The following CES5A variants were observed in gnomAD, a reference collection of about 807,000 sequenced individuals.
CES5A encodes the protein carboxylesterase 5.
CES5A carries 67 observed loss-of-function variants against 62.9 expected under a neutral mutation model. The ratio of observed to expected loss-of-function variants is 1.07; its 90% confidence interval spans 0.88 to 1.31. The LOEUF is 1.31. Ranked by LOEUF, CES5A falls within the 50% of genes most tolerant of loss-of-function variation. The pLI is 0.00. For synonymous variants in CES5A, 296 were observed against 280.8 expected (o/e 1.05, Z -0.54); for missense variants, 748 against 708.5 (o/e 1.06, Z -0.63).
At chr16:55,855,557 G>A (rs1388613550) in intron 9 of CES5A, among the ~76,000 whole-genome samples, 2 of 152,200 alleles carry the variant, frequency 1.3e-5, no homozygotes, top group Admixed American at 1.3e-4. Flanking sequence ...TCAGACTGTA[G>A]GTAGATAATG....
intron 4 of CES5A, among the ~76,000 whole-genome samples, chr16:55,866,693 C>T (rs1355482734): frequency 8.2e-6 from 1 of 121,924 alleles, no homozygotes; most frequent in African/African-American, 2.7e-5. Context: ...AAAAAATTAG[C>T]TGGACACGGT....
intron 1 of CES5A, among the ~76,000 whole-genome samples, chr16:55,894,233 G>T (rs1255995691): frequency 6.6e-6 from 1 of 152,098 alleles, no homozygotes; most frequent in East Asian, 1.9e-4. Context: ...AATAGGCTGG[G>T]CGTGGTGGCT....
At chr16:55,951,706 G>C (rs2034559334) in intron 1 of CES5A, among the ~76,000 whole-genome samples, 1 of 152,108 alleles carries the variant, frequency 6.6e-6, no homozygotes, top group African/African-American at 2.4e-5. Context: ...TAGGGGGATG[G>C]AGTATCCATG....
At chr16:55,928,291 A>G (rs1289115610), upstream of CES5A, among the ~76,000 whole-genome samples, 2 of 152,108 alleles carry the variant, frequency 1.3e-5, no homozygotes, top group South Asian at 4.1e-4. Context: ...ACTGAAGGCC[A>G]TTATCCTATG....
intron 1 of CES5A, among the ~76,000 whole-genome samples, chr16:55,915,992 T>C (rs2034144783): frequency 6.6e-6 from 1 of 152,186 alleles, no homozygotes; most frequent in Non-Finnish European, 1.5e-5. Flanking sequence ...AACAGTTTAA[T>C]AGACACAAGA....
chr16:55,846,972 C>A, intron 11 of CES5A, 132 bp from the exon 12 acceptor site: 1 of 772,800 alleles, frequency 1.3e-6, no homozygotes, highest in South Asian at 1.6e-5. Flanking sequence ...GTCACTGTAC[C>A]CATTTTATAC....
rs191557172 is a variant in CES5A at position 55,955,802 on chromosome 16, G to C, written c.42+42C>G. 5,111 of 1,531,626 alleles carry C rather than the reference G, an allele frequency of 3.3e-3. 9 individuals carry two copies. Among genetic ancestry groups the C allele is most frequent in the Non-Finnish European group, 4.2e-3 (4,756 of 1,143,270 alleles). The allele number at this position is 1,531,626 out of a possible 1,614,324, so 94.9% of individuals were successfully genotyped here. A position where few individuals can be genotyped will look rare whatever the true frequency, so the allele number is the denominator to read the frequency against. On this transcript the variant is annotated intron_variant, in intron 1 of 13. Transcript: ENST00000521992. ...CATCTTTCTCATTCCAGTGGGTTTGGGGGTGGGGTCCAGGCAGTAGCACCC... is the reference window on the plus strand; with the variant it reads ...CATCTTTCTCATTCCAGTGGGTTTGCGGGTGGGGTCCAGGCAGTAGCACCC...
intron 1 of CES5A, among the ~76,000 whole-genome samples, chr16:55,888,882 C>A (rs2033844381): frequency 6.6e-6 from 1 of 152,206 alleles, no homozygotes; most frequent in African/African-American, 2.4e-5. Flanking sequence ...GCCTTTCCCA[C>A]CAAGGTATGA....
rs1174435445 is a variant in CES5A at position 55,949,828 on chromosome 16, A to T, written c.117T>A (p.Tyr39Ter). 1.3e-6 allele frequency: 2 copies of T among 1,522,834 alleles called. No individual in the cohort carries two copies. The highest frequency in any genetic ancestry group is 4.0e-5 in the Admixed American group (2 of 49,840). 94.3% of individuals were successfully genotyped at this position (1,522,834 alleles called of 1,614,324 possible). Residue 39 changes from tyrosine (Y) to a stop codon, truncating the protein, a stop_gained, in exon 2 of 14, where the codon TAT becomes TAA. Coordinates refer to the CES5A transcript ENST00000521992. LOFTEE classifies it high-confidence loss of function. ...AGTTTAAGACATCAATCCTCAATAC[A>T]TACAAAGTTGAGGAGGCTGGATAAA...
intron 2 of CES5A, chr16:55,944,308 T>C (rs2034472485): frequency 1.7e-6 from 1 of 581,750 alleles, no homozygotes; most frequent in South Asian, 2.2e-5. Flanking sequence ...GTTGAGAAGA[T>C]CTAATGAAGT....
Position 55,875,180 on chromosome 16 carries a change from C to A in CES5A, c.42G>T (p.Trp14Cys). Reference sequence around the variant, plus strand: ...TGGGGGCTGCAAGGACCCAGATAGCCCAAATTAGGATCTGGCCTGGGTGCA... The same window carrying A: ...TGGGGGCTGCAAGGACCCAGATAGCACAAATTAGGATCTGGCCTGGGTGCA... ...NWVHPGQILI[W>C]AIWVLAAPTK... The change falls in exon 1 of 13, where the codon TGG (tryptophan) becomes TGT (cysteine). Residue 14 changes from tryptophan to cysteine, a missense_variant. Physicochemically the swap from Trp to Cys is radical, Grantham distance 215 (BLOSUM62 -2). Transcript: ENST00000290567. 1 of 1,614,072 alleles carries A rather than the reference C, an allele frequency of 6.2e-7. No homozygotes were observed. The highest frequency in any genetic ancestry group is 8.5e-7 in the Non-Finnish European group (1 of 1,179,980).
rs376306836 is a variant in CES5A at position 55,875,257 on chromosome 16, C to T, written c.-36G>A. On this transcript the variant is annotated 5_prime_UTR_variant, in exon 1 of 13. Transcript: ENST00000290567. Reference sequence around the variant, plus strand: ...GCCTGCACTCTGTGAACATTGACGGCGGCTGCTGGCCTCAGAGAGCTTCAG... The same window carrying T: ...GCCTGCACTCTGTGAACATTGACGGTGGCTGCTGGCCTCAGAGAGCTTCAG... The T allele has an allele frequency of 2.4e-5, 39 of 1,603,372 alleles. No individual in the cohort carries two copies. Among genetic ancestry groups the T allele is most frequent in the Admixed American group, 8.6e-5 (5 of 57,850 alleles).
chr16:55,847,320 C>T (rs1303434822), intron 11 of CES5A, among the ~76,000 whole-genome samples: 1 of 151,098 alleles, frequency 6.6e-6, no homozygotes, highest in East Asian at 1.9e-4. Flanking sequence ...TCTCCCTTCT[C>T]TCTTTCTTCC....
intron 1 of CES5A, among the ~76,000 whole-genome samples, chr16:55,881,183 G>A (rs1262320248): frequency 6.6e-6 from 1 of 152,184 alleles, no homozygotes; most frequent in Non-Finnish European, 1.5e-5. Flanking sequence ...GACTTGACCT[G>A]TGATAGATGC....
chr16:55,872,910 G>A (rs569475360), intron 2 of CES5A, among the ~76,000 whole-genome samples: 13 of 152,232 alleles, frequency 8.5e-5, no homozygotes, highest in East Asian at 3.9e-4. Flanking sequence ...CCCCTGCGGC[G>A]TCCCCAAGCT....
chr16:55,856,897 T>G (rs1379974548), intron 8 of CES5A, among the ~76,000 whole-genome samples: 2 of 152,244 alleles, frequency 1.3e-5, no homozygotes, highest in Admixed American at 1.3e-4. Flanking sequence ...CAAAGCGGTA[T>G]CAGCACCTTG....
At chr16:55,849,557 G>A (rs2033084706) in intron 11 of CES5A, 67 bp downstream of exon 11, 2 of 1,558,802 alleles carry the variant, frequency 1.3e-6, no homozygotes, top group African/African-American at 1.4e-5. Flanking sequence ...AGTCCTCCAG[G>A]CGCTTGCATC....
At chr16:55,922,855 T>C (rs760555570) in intron 1 of CES5A, among the ~76,000 whole-genome samples, 1 of 151,848 alleles carries the variant, frequency 6.6e-6, no homozygotes, top group Admixed American at 6.6e-5. Context: ...TTTGATGACA[T>C]GGAGTAAAAT....
intron 1 of CES5A, among the ~76,000 whole-genome samples, chr16:55,895,503 G>A (rs1339790069): frequency 6.6e-6 from 1 of 152,202 alleles, no homozygotes; most frequent in Non-Finnish European, 1.5e-5. Context: ...CTTTTGACTT[G>A]TATGGAGCCT....
Sources: gnomAD v4.1 joint callset for allele counts (sites outside exome capture counted in the v4.1 genomes callset) on GRCh38, gnomAD v4.1.1 for gene constraint, MANE v1.5 for transcripts, NCBI Gene and HGNC (gene_info 2026-07-23, HGNC 2026-07-21) for gene names.